Variants in DMD observed in about 807,000 individuals in gnomAD.
The protein encoded by DMD is dystrophin, also known as mutant dystrophin.
DMD carries 63 observed loss-of-function variants against 330.1 expected under a neutral mutation model. The ratio of observed to expected loss-of-function variants is 0.19; its 90% CI spans 0.16 to 0.24. DMD has a LOEUF of 0.24. Among genes scored for constraint, DMD ranks in the 10% least tolerant of loss-of-function variants. DMD has a pLI of 1.00. For missense variants in DMD, 3,344 were observed against 2,684.1 expected (o/e 1.25, Z -5.43); for synonymous variants, 1,223 against 959.8 (o/e 1.27, Z -5.07).
At chrX:31,494,324 T>C (rs1010227692) in intron 57 of DMD, among the ~76,000 whole-genome samples, 2 of 110,766 alleles carry the variant, frequency 1.8e-5, no homozygotes, top group Admixed American at 9.7e-5. Flanking sequence ...GTTTTGTAGA[T>C]TGCAGCAACA....
intron 44 of DMD, among the ~76,000 whole-genome samples, chrX:31,998,522 G>C (rs890017676): frequency 9.0e-6 from 1 of 111,615 alleles, no homozygotes; most frequent in African/African-American, 3.2e-5. Context: ...TGGAGAAAAA[G>C]ATAGAAGGAT....
At chrX:31,462,956 C>T (rs958491143) in intron 59 of DMD, among the ~76,000 whole-genome samples, 8 of 112,251 alleles carry the variant, frequency 7.1e-5, no homozygotes, top group African/African-American at 9.7e-5. Context: ...TCTCAACTTA[C>T]GCTTTCATGT....
intron 47 of DMD, among the ~76,000 whole-genome samples, chrX:31,913,487 C>T (rs2094570548): frequency 1.8e-5 from 2 of 111,681 alleles, no homozygotes; most frequent in Non-Finnish European, 3.8e-5. Context: ...ACAGACAATC[C>T]TTTCTGGTGA....
intron 60 of DMD, among the ~76,000 whole-genome samples, chrX:31,398,377 T>C (rs1259112791): frequency 8.9e-6 from 1 of 112,044 alleles, no homozygotes; most frequent in East Asian, 2.8e-4. Context: ...GAGAAAGACA[T>C]AGCGAGAGGG....
At chrX:33,323,158 C>T (rs141545603) in intron 1 of DMD, among the ~76,000 whole-genome samples, 1,191 of 111,722 alleles carry the variant, frequency 0.011, 13 homozygotes, top group African/African-American at 0.036. Context: ...CCATAACTGG[C>T]AACCAACAGG....
intron 7 of DMD, among the ~76,000 whole-genome samples, chrX:32,781,132 A>G (rs781092704): frequency 1.9e-5 from 2 of 105,483 alleles, no homozygotes; most frequent in Middle Eastern, 4.7e-3. Flanking sequence ...AAAGAAAAAA[A>G]AAAAAAAAAA....
chrX:31,662,055 C>A (rs1351261740), intron 53 of DMD, among the ~76,000 whole-genome samples: 1 of 111,901 alleles, frequency 8.9e-6, no homozygotes, highest in Non-Finnish European at 1.9e-5. Flanking sequence ...GAAAGAGTAG[C>A]TAAAAGCCTG....
intron 43 of DMD, among the ~76,000 whole-genome samples, chrX:32,285,692 G>GTT (rs77333140): frequency 2.7e-5 from 3 of 110,266 alleles, no homozygotes; most frequent in Admixed American, 1.9e-4. Context: ...AGATAAATCT[G>GTT]TTTTTTTGTT....
intron 7 of DMD, among the ~76,000 whole-genome samples, chrX:32,787,263 AG>A (rs2148603766): frequency 2.8e-5 from 3 of 107,491 alleles, no homozygotes; most frequent in African/African-American, 1.0e-4. Flanking sequence ...AGAGAGAGAG[AG>A]AGAGAGAGAA....
intron 30 of DMD, among the ~76,000 whole-genome samples, chrX:32,394,607 G>C (rs753348834): frequency 9.0e-6 from 1 of 110,884 alleles, no homozygotes; most frequent in African/African-American, 3.3e-5. Flanking sequence ...TCATTTCCTC[G>C]TAAGCACAAA....
chrX:31,247,071 T>C (rs1427095183), intron 63 of DMD, among the ~76,000 whole-genome samples: 1 of 111,879 alleles, frequency 8.9e-6, no homozygotes, highest in Non-Finnish European at 1.9e-5. Context: ...GTGTTCAAAA[T>C]AGGTTTCCTT....
chrX:32,656,474 T>C (rs1208300152), intron 9 of DMD, among the ~76,000 whole-genome samples: 1 of 112,279 alleles, frequency 8.9e-6, no homozygotes, highest in Non-Finnish European at 1.9e-5. Flanking sequence ...TTTTTGTTAG[T>C]GCCACGAAAC....
chrX:31,715,168 GTT>G (rs1434839134), intron 52 of DMD, among the ~76,000 whole-genome samples: 1 of 102,257 alleles, frequency 9.8e-6, no homozygotes, highest in Non-Finnish European at 1.9e-5. Context: ...GAAAAAGAAA[GTT>G]TTATTAAAAA....
At chrX:32,085,964 TA>T (rs1338038483) in intron 44 of DMD, among the ~76,000 whole-genome samples, 1 of 111,869 alleles carries the variant, frequency 8.9e-6, no homozygotes, top group Admixed American at 9.5e-5. Flanking sequence ...AAGTTATCAA[TA>T]AAACTGTTAT....
chrX:31,922,014 TATA>T (rs1164703182), intron 47 of DMD, among the ~76,000 whole-genome samples: 1 of 111,936 alleles, frequency 8.9e-6, no homozygotes, highest in Admixed American at 9.5e-5. Context: ...AGTTTTTTGT[TATA>T]ATGTTGGTTG....
intron 10 of DMD, 87 bp from the exon 11 acceptor site, chrX:32,644,400 T>G (rs1339548800): frequency 1.0e-6 from 1 of 975,973 alleles, no homozygotes; most frequent in Admixed American, 2.4e-5. Context: ...AGTTTTAAAC[T>G]TGTGGCCCAT....
intron 7 of DMD, among the ~76,000 whole-genome samples, chrX:32,757,436 C>A (rs762928530): frequency 1.1e-3 from 126 of 111,246 alleles, no homozygotes; most frequent in Middle Eastern, 9.2e-3. Context: ...ATTTTTCTTT[C>A]GATTCTGATA....
intron 47 of DMD, among the ~76,000 whole-genome samples, chrX:31,880,925 T>C (rs2094052640): frequency 8.9e-6 from 1 of 111,948 alleles, no homozygotes; most frequent in African/African-American, 3.2e-5. Flanking sequence ...GGCATTGTTA[T>C]CCTATGAGAT....
intron 62 of DMD, among the ~76,000 whole-genome samples, chrX:31,303,694 C>T (rs762900264): frequency 1.8e-5 from 2 of 111,798 alleles, no homozygotes; most frequent in South Asian, 7.6e-4. Flanking sequence ...TCATCCAATT[C>T]ATTTGCATCA....
Sources: allele counts gnomAD v4.1 joint callset (sites outside exome capture counted in the v4.1 genomes callset), GRCh38; gene constraint gnomAD v4.1.1; transcripts MANE v1.5; gene names NCBI Gene and HGNC (gene_info 2026-07-23, HGNC 2026-07-21).